The following SERINC5 variants were observed in gnomAD, a reference collection of about 807,000 sequenced individuals.
SERINC5 encodes serine incorporator 5, also known as chromosome 5 open reading frame 12.
A neutral mutation model predicts 63.1 loss-of-function variants in SERINC5; 41 were observed. That is an observed-to-expected ratio of 0.65 (90% CI 0.51 to 0.84). SERINC5 has a LOEUF of 0.84. Among genes scored for constraint, SERINC5 ranks in the 40% least tolerant of loss-of-function variants. The pLI, the probability that SERINC5 is intolerant of heterozygous loss-of-function variation, is 0.00. For synonymous variants in SERINC5, 222 were observed against 215.2 expected, an observed-to-expected ratio of 1.03 and a Z score of -0.28; for missense variants, 523 against 573.0, an observed-to-expected ratio of 0.91 and a Z score of 0.89.
intron 6 of SERINC5, chr5:80,166,904 G>T (rs759239641): frequency 2.7e-5 from 5 of 183,558 alleles, no homozygotes; most frequent in Non-Finnish European, 5.8e-5. Context: ...ATGTATTCTG[G>T]ATTCTACAAG....
chr5:80,176,742 G>A (rs1748057102), intron 4 of SERINC5, among the ~76,000 whole-genome samples: 1 of 152,056 alleles, frequency 6.6e-6, no homozygotes, highest in Non-Finnish European at 1.5e-5. Flanking sequence ...TGGCCTAAAT[G>A]TTTTTAATAC....
rs1580124918 is a variant in SERINC5, at chr5:80,181,416, T to TGTG, written c.196-3353_196-3352insCAC. On this transcript the variant is annotated intron_variant, in intron 2 of 11. Coordinates refer to ENST00000507668, the MANE Select transcript of SERINC5 (RefSeq NM_001174072.3). Reference sequence around the variant, plus strand: ...CATGCACCACCAAGCTCAGCTAATTTTGTGTGTGTGTGTGTGTGTGTGTGT... The same window carrying TGTG: ...CATGCACCACCAAGCTCAGCTAATTTGTGTGTGTGTGTGTGTGTGTGTGTGTGT... 3.2e-4 allele frequency among the ~76,000 whole-genome samples: 46 copies of TGTG among 145,446 alleles called. No individual in the cohort carries two copies. In the East Asian group the frequency reaches 8.8e-3, roughly 28 times the overall value.
chr5:80,149,727 G>A (rs540246868), intron 9 of SERINC5, among the ~76,000 whole-genome samples: 1 of 152,312 alleles, frequency 6.6e-6, no homozygotes, highest in Admixed American at 6.5e-5. Flanking sequence ...GTAATAGCAC[G>A]TCACTGGGTT....
At chr5:80,249,039 G>T (rs567895040) in intron 1 of SERINC5, among the ~76,000 whole-genome samples, 1 of 152,312 alleles carries the variant, frequency 6.6e-6, no homozygotes, top group South Asian at 2.1e-4. Flanking sequence ...ATCAGGCCGG[G>T]TACGGTGGCT....
downstream of SERINC5, among the ~76,000 whole-genome samples, chr5:80,135,544 AAAGT>A (rs1745133809): frequency 6.6e-6 from 1 of 152,188 alleles, no homozygotes; most frequent in African/African-American, 2.4e-5. Flanking sequence ...TCCCTTTCAA[AAAGT>A]AAGGATGAGT....
chr5:80,224,835 G>A (rs12518489), intron 1 of SERINC5, among the ~76,000 whole-genome samples: 90,745 of 151,268 alleles, frequency 0.6, 27,438 homozygotes, highest in African/African-American at 0.67. Context: ...CATGTTGGTC[G>A]GGCTGGTCTC....
In SERINC5 at chr5:80,197,270, T is replaced by C. The variant is rs560731098; in HGVS notation, c.195+5616A>G. Among the ~76,000 whole-genome samples, 4 of 126,902 alleles carry C rather than the reference T, an allele frequency of 3.2e-5. No homozygotes were observed. The South Asian group carries it at 7.6e-4, about 24-fold the overall frequency. 83.3% of individuals were successfully genotyped at this position (126,902 alleles called of 152,430 possible). ...AGGCTGAAGCAGAAGATCGTGCCAC[T>C]GCGTTTCAGCCAGAGAGACAGAGCA... is the stretch of plus-strand genomic sequence containing the variant. On this transcript the variant is annotated intron_variant, in intron 2 of 11. Transcript: ENST00000507668.
At chr5:80,124,881 T>C (rs1214548817) in intron 11 of SERINC5, among the ~76,000 whole-genome samples, 1 of 152,136 alleles carries the variant, frequency 6.6e-6, no homozygotes, top group African/African-American at 2.4e-5. Context: ...TTGCAGGTAG[T>C]CTTGTTTATG....
chr5:80,190,090 A>G (rs1749087718), intron 2 of SERINC5, among the ~76,000 whole-genome samples: 2 of 149,182 alleles, frequency 1.3e-5, no homozygotes, highest in African/African-American at 2.5e-5. Flanking sequence ...AACTATTTAC[A>G]TAACTGTCTC....
At position 80,175,013 on chromosome 5, in the gene SERINC5, G is replaced by A; in HGVS notation, c.492C>T (p.Leu164=). The A allele has an allele frequency of 6.2e-7, 1 of 1,602,218 alleles. No homozygotes were observed. Among genetic ancestry groups the A allele is most frequent in the Non-Finnish European group, 8.5e-7 (1 of 1,174,138 alleles). ...GCAGGAGGAGCTGGATGCCAATGAA[G>A]AGGAAGCCTCCGACGGCTCCCACAT... ...WRYVGAVGGF[L]FIGIQLLLLV... is the part of the protein sequence containing the mutation. Residue 164 remains leucine (L), a synonymous_variant, in exon 5 of 12, where the codon CTC becomes CTT. Transcript: ENST00000507668.
rs1195567540 is a variant in SERINC5, at chr5:80,175,061, T to C, written c.458-14A>G. 1.9e-6 allele frequency: 3 copies of C among 1,556,524 alleles called. No homozygotes were observed. The highest frequency in any genetic ancestry group is 2.6e-6 in the Non-Finnish European group (3 of 1,147,544). ...CATAGCGCCAGGCTGCAAAAGACCA[T>C]GAAGAACACAATGAGGCAACCTTTC... On this transcript the variant is annotated splice_polypyrimidine_tract_variant and intron_variant, in intron 4 of 11. Transcript: ENST00000507668.
intron 11 of SERINC5, among the ~76,000 whole-genome samples, chr5:80,127,419 T>TA: frequency 6.6e-6 from 1 of 152,280 alleles, no homozygotes; most frequent in East Asian, 1.9e-4. Context: ...ATGGAAAACT[T>TA]AGAGCAAAGC....
At chr5:80,195,051 C>T (rs1368264570) in intron 2 of SERINC5, among the ~76,000 whole-genome samples, 2 of 152,098 alleles carry the variant, frequency 1.3e-5, no homozygotes, top group Non-Finnish European at 2.9e-5. Flanking sequence ...CTTTGGGAGG[C>T]GGAGGCAGGT....
chr5:80,131,708 G>A (rs1357455380), intron 11 of SERINC5, among the ~76,000 whole-genome samples: 1 of 152,188 alleles, frequency 6.6e-6, no homozygotes, highest in African/African-American at 2.4e-5. Context: ...GCCATTTTGA[G>A]GGTGTGGTAA....
chr5:80,226,707 T>C (rs560180527), intron 1 of SERINC5, among the ~76,000 whole-genome samples: 2 of 152,270 alleles, frequency 1.3e-5, no homozygotes, highest in African/African-American at 4.8e-5. Context: ...TTCTTGTAAT[T>C]TGTGGCAGTG....
chr5:80,178,937 T>G (rs1266218544), intron 2 of SERINC5, among the ~76,000 whole-genome samples: 1 of 152,170 alleles, frequency 6.6e-6, no homozygotes, highest in Non-Finnish European at 1.5e-5. Flanking sequence ...ATGCATATAA[T>G]AAATATATTA....
chr5:80,171,509 T>C (rs924187986), intron 5 of SERINC5, among the ~76,000 whole-genome samples: 11 of 152,114 alleles, frequency 7.2e-5, no homozygotes, highest in African/African-American at 2.7e-4. Context: ...TATCAGGGAA[T>C]AGTAAAGGAA....
chr5:80,146,338 G>A, intron 10 of SERINC5, 104 bp from the exon 11 acceptor site: 1 of 1,373,668 alleles, frequency 7.3e-7, no homozygotes, highest in African/African-American at 1.4e-5. Context: ...TAGAAAAGAT[G>A]CCAGAAAGCC....
At chr5:80,125,134 C>T (rs1212423966) in intron 11 of SERINC5, among the ~76,000 whole-genome samples, 2 of 152,176 alleles carry the variant, frequency 1.3e-5, no homozygotes, top group African/African-American at 4.8e-5. Context: ...TCCATCCATT[C>T]ATTCATTCAT....
Sources: gnomAD v4.1 joint callset for allele counts (sites outside exome capture counted in the v4.1 genomes callset) on GRCh38, gnomAD v4.1.1 for gene constraint, MANE v1.5 for transcripts, NCBI Gene and HGNC (gene_info 2026-07-23, HGNC 2026-07-21) for gene names.